Variants in LRRK1 observed in about 807,000 individuals in gnomAD.
LRRK1 encodes leucine-rich repeat serine/threonine-protein kinase 1.
Under a neutral mutation model 209.1 loss-of-function variants are expected in LRRK1, and 113 were observed. That is an observed-to-expected ratio of 0.54 (90% CI 0.46 to 0.63). LRRK1 has a LOEUF of 0.63. LRRK1 is among the 30% of genes least tolerant of loss of function. The pLI, the probability that LRRK1 is intolerant of heterozygous loss-of-function variation, is 0.00. For missense variants in LRRK1, 2,284 were observed against 2,632.2 expected (o/e 0.87, Z 2.89); for synonymous variants, 1,144 against 1,099.7 (o/e 1.04, Z -0.80).
chr15:101,025,644 C>T (rs1377606361), intron 16 of LRRK1, among the ~76,000 whole-genome samples: 1 of 152,148 alleles, frequency 6.6e-6, no homozygotes, highest in Non-Finnish European at 1.5e-5. Flanking sequence ...GAAGAGGAGC[C>T]AGCCTCCTTT....
At chr15:101,050,103 C>A (rs928654194) in intron 23 of LRRK1, among the ~76,000 whole-genome samples, 2 of 152,178 alleles carry the variant, frequency 1.3e-5, no homozygotes, top group Non-Finnish European at 2.9e-5. Context: ...TGTGAGCTCA[C>A]ACGTGTCTTG....
chr15:101,077,484 CT>C lies in LRRK1; in HGVS notation c.*8637del, dbSNP rs2037024254. The C allele has an allele frequency of 6.6e-6, 1 of 152,206 alleles. No individual in the cohort carries two copies. The highest frequency in any genetic ancestry group is 6.5e-5 in the Admixed American group (1 of 15,286). 9.4% of individuals were successfully genotyped at this position (152,206 alleles called of 1,614,324 possible). A position where few individuals can be genotyped will look rare whatever the true frequency, so the allele number is the denominator to read the frequency against. On this transcript the variant is annotated 3_prime_UTR_variant, in exon 34 of 34. Coordinates refer to ENST00000388948, the MANE Select transcript of LRRK1 (RefSeq NM_024652.6). ...TATGCTGAACCTCCTTTGGCACTCT[CT>C]AATCAGATGTCCTGAGTCATCTCAA...
chr15:101,001,927 C>A (rs148653098), intron 6 of LRRK1, among the ~76,000 whole-genome samples: 1 of 152,130 alleles, frequency 6.6e-6, no homozygotes, highest in African/African-American at 2.4e-5. Flanking sequence ...AACATTACAA[C>A]GTCACTCCGG....
At chr15:100,999,795 A>G (rs11635831) in intron 6 of LRRK1, among the ~76,000 whole-genome samples, 1 of 152,130 alleles carries the variant, frequency 6.6e-6, no homozygotes, top group Non-Finnish European at 1.5e-5. Flanking sequence ...AGTAAATCTG[A>G]CATTTCTACT....
chr15:101,018,649 G>A (rs974387859), intron 12 of LRRK1, among the ~76,000 whole-genome samples: 17 of 152,334 alleles, frequency 1.1e-4, no homozygotes, highest in Middle Eastern at 3.4e-3. Context: ...GACTACGCGC[G>A]GTACCAATGC....
In LRRK1 at chr15:101,075,853, C is replaced by G. The variant is rs1262310108; in HGVS notation, c.*7005C>G. ...CAGCCTCTCTTCACTTTCACTTGGA[C>G]TGACCCTGACACCCATCAGGCTCAG... On this transcript the variant is annotated 3_prime_UTR_variant, in exon 34 of 34. Transcript: ENST00000388948. 6.6e-6 allele frequency: 1 copy of G among 152,242 alleles called. No homozygotes were observed. Among genetic ancestry groups the G allele is most frequent in the African/African-American group, 2.4e-5 (1 of 41,436 alleles). 9.4% of individuals were successfully genotyped at this position (152,242 alleles called of 1,614,324 possible).
chr15:101,068,525 C>A, intron 33 of LRRK1, 146 bp from the exon 34 acceptor site: 1 of 760,468 alleles, frequency 1.3e-6, no homozygotes, highest in Non-Finnish European at 2.0e-6. Flanking sequence ...TGGTGCATCT[C>A]AGCACACCCC....
chr15:100,941,046 G>C (rs975378718), intron 2 of LRRK1, among the ~76,000 whole-genome samples: 1 of 152,212 alleles, frequency 6.6e-6, no homozygotes, highest in Non-Finnish European at 1.5e-5. Context: ...TCCCCTAGGT[G>C]ATCAGACTGC....
At position 101,014,313 on chromosome 15, in the gene LRRK1, C is replaced by G; in HGVS notation, c.1420-3C>G. 6.2e-7 allele frequency: 1 copy of G among 1,602,528 alleles called. No individual in the cohort carries two copies. The highest frequency in any genetic ancestry group is 8.5e-7 in the Non-Finnish European group (1 of 1,170,576). Reference sequence around the variant, plus strand: ...CTTCTCTCTCCCTCCCTCTCTCTCTCAGGCCCTCATGTTCTTGAGGTTACA... The same window carrying G: ...CTTCTCTCTCCCTCCCTCTCTCTCTGAGGCCCTCATGTTCTTGAGGTTACA... On this transcript the variant is annotated splice_region_variant and splice_polypyrimidine_tract_variant and intron_variant, in intron 10 of 33. Coordinates refer to ENST00000388948, the MANE Select transcript of LRRK1 (RefSeq NM_024652.6).
rs190751749 is a variant in LRRK1, at chr15:100,960,479, C to T, written c.98-13325C>T. ...AATTGTACCATTTTCTATAGTATTA[C>T]TGAGTATTAAATAAATGAACTGTCC... On this transcript the variant is annotated intron_variant, in intron 2 of 33. Coordinates refer to ENST00000388948, the MANE Select transcript of LRRK1 (RefSeq NM_024652.6). 1.3e-3 allele frequency among the ~76,000 whole-genome samples: 199 copies of T among 152,180 alleles called. 1 individual carries two copies. Among genetic ancestry groups the T allele is most frequent in the African/African-American group, 4.6e-3 (192 of 41,522 alleles).
chr15:100,958,181 C>A (rs1342092560), intron 2 of LRRK1, among the ~76,000 whole-genome samples: 2 of 152,208 alleles, frequency 1.3e-5, no homozygotes, highest in African/African-American at 4.8e-5. Flanking sequence ...TTGTTCTTTT[C>A]TTTCTCTCTT....
Position 100,988,619 on chromosome 15 carries a change from G to A in LRRK1, c.434-15G>A, listed in dbSNP as rs376632476. ...TTCAGTGGCACTTTCCCTTTGTCCT[G>A]CCATCTCCTGCCAGGTCCCTGCAGT... On this transcript the variant is annotated splice_polypyrimidine_tract_variant and intron_variant, in intron 4 of 33. Coordinates refer to ENST00000388948, the MANE Select transcript of LRRK1 (RefSeq NM_024652.6). The A allele has an allele frequency of 8.1e-6, 13 of 1,613,750 alleles. No homozygotes were observed. The highest frequency in any genetic ancestry group is 1.3e-5 in the African/African-American group (1 of 74,930).
intron 6 of LRRK1, 95 bp from the exon 7 acceptor site, chr15:101,008,742 A>G: frequency 2.1e-6 from 2 of 951,700 alleles, no homozygotes; most frequent in East Asian, 5.1e-5. Flanking sequence ...GCAGGCACAC[A>G]GACGCGCATT....
At chr15:100,960,529 A>G (rs2029878745) in intron 2 of LRRK1, among the ~76,000 whole-genome samples, 1 of 152,176 alleles carries the variant, frequency 6.6e-6, no homozygotes, top group African/African-American at 2.4e-5. Context: ...TTAATTTTCC[A>G]AAAAGATGGT....
chr15:101,077,933 AAAG>A lies in LRRK1; in HGVS notation c.*9089_*9091del, dbSNP rs2037037602. 1.3e-5 allele frequency: 2 copies of A among 152,598 alleles called. No individual in the cohort carries two copies. Among genetic ancestry groups the A allele is most frequent in the Admixed American group, 1.3e-4 (2 of 15,282 alleles). The allele number at this position is 152,598 out of a possible 1,614,324, so 9.5% of individuals were successfully genotyped here. A position where few individuals can be genotyped will look rare whatever the true frequency, so the allele number is the denominator to read the frequency against. ...GGCCTGAAGTAACTGAAGAATCACA[AAAG>A]AAGTGAATATGCCCTGCCCCACCTT... On this transcript the variant is annotated 3_prime_UTR_variant, in exon 34 of 34. Transcript: ENST00000388948.
At chr15:101,020,964 T>C (rs1596284122) in intron 12 of LRRK1, 89 bp from the exon 13 acceptor site, 1 of 1,461,352 alleles carries the variant, frequency 6.8e-7, no homozygotes, top group African/African-American at 1.4e-5. Context: ...CCTCTGGAGG[T>C]TGCATCAGTT....
chr15:100,971,506 G>A (rs926327065), intron 2 of LRRK1, among the ~76,000 whole-genome samples: 4 of 152,134 alleles, frequency 2.6e-5, no homozygotes, highest in African/African-American at 9.7e-5. Context: ...GCGTGAACTT[G>A]GCCAAGGATG....
At chr15:101,039,200 A>C (rs1164188236) in intron 20 of LRRK1, among the ~76,000 whole-genome samples, 4 of 152,256 alleles carry the variant, frequency 2.6e-5, no homozygotes, top group African/African-American at 9.6e-5. Flanking sequence ...TATAGATCAA[A>C]GAAAGCTGAC....
intron 12 of LRRK1, among the ~76,000 whole-genome samples, chr15:101,015,664 G>C (rs1001096016): frequency 2.6e-5 from 4 of 151,884 alleles, no homozygotes; most frequent in Non-Finnish European, 5.9e-5. Context: ...ATGTGCAGCT[G>C]ATCTACACAC....
Sources: allele counts gnomAD v4.1 joint callset (sites outside exome capture counted in the v4.1 genomes callset), GRCh38; gene constraint gnomAD v4.1.1; transcripts MANE v1.5; gene names NCBI Gene and HGNC (gene_info 2026-07-23, HGNC 2026-07-21).